The following MAN1C1 variants were observed in gnomAD, a reference collection of about 807,000 sequenced individuals.
MAN1C1 encodes mannosyl-oligosaccharide 1,2-alpha-mannosidase IC.
A neutral mutation model predicts 71.5 loss-of-function variants in MAN1C1; 49 were observed. The observed-to-expected ratio is 0.69, with a 90% CI of 0.54 to 0.87. The LOEUF (loss-of-function observed/expected upper bound fraction) is 0.87, where lower values mean the gene tolerates loss of function less well. Ranked by LOEUF, MAN1C1 falls within the 40% of genes least tolerant of loss-of-function variation. The pLI is 0.00. For synonymous variants in MAN1C1, 352 were observed against 343.7 expected (o/e 1.02, Z -0.27); for missense variants, 743 against 835.0 (o/e 0.89, Z 1.36).
Position 25,618,031 on chromosome 1 carries a change from G to A in MAN1C1, c.234G>A (p.Gln78=). ...CCGGCCATGCCCCGGCCCGCGAGCAGGAGCCGCCTCCCAACCCGGCCCCCG... is the reference window on the plus strand; with the variant it reads ...CCGGCCATGCCCCGGCCCGCGAGCAAGAGCCGCCTCCCAACCCGGCCCCCG... ...EIAGHAPARE[Q]EPPPNPAPAA... The change falls in exon 1 of 12, where the codon CAG becomes CAA. Residue 78 remains glutamine, a synonymous_variant. Coordinates refer to ENST00000374332, the MANE Select transcript of MAN1C1 (RefSeq NM_020379.4). 1.3e-6 allele frequency: 2 copies of A among 1,593,558 alleles called. No individual in the cohort carries two copies. The highest frequency in any genetic ancestry group is 2.3e-5 in the East Asian group (1 of 42,958).
intron 2 of MAN1C1, among the ~76,000 whole-genome samples, chr1:25,698,000 C>T (rs2046389622): frequency 6.6e-6 from 1 of 152,220 alleles, no homozygotes; most frequent in South Asian, 2.1e-4. Context: ...CCCTGCACTG[C>T]CTGCTAAGCG....
intron 1 of MAN1C1, among the ~76,000 whole-genome samples, chr1:25,668,691 G>C (rs931497400): frequency 1.3e-5 from 2 of 151,942 alleles, no homozygotes; most frequent in Non-Finnish European, 2.9e-5. Context: ...GAGTAGCTGG[G>C]ACTACAGACG....
intron 1 of MAN1C1, among the ~76,000 whole-genome samples, chr1:25,672,081 C>A (rs1286586634): frequency 2.0e-5 from 3 of 152,240 alleles, no homozygotes; most frequent in African/African-American, 7.2e-5. Flanking sequence ...TAACTCTCAG[C>A]TCAAGGCTGA....
chr1:25,768,772 T>C (rs2047499109), intron 7 of MAN1C1, among the ~76,000 whole-genome samples: 4 of 100,634 alleles, frequency 4.0e-5, no homozygotes, highest in African/African-American at 8.2e-5. Context: ...ACATCCACAC[T>C]CCCCTCACAC....
chr1:25,619,192 C>G (rs2045166532), intron 1 of MAN1C1, among the ~76,000 whole-genome samples: 1 of 152,170 alleles, frequency 6.6e-6, no homozygotes, highest in African/African-American at 2.4e-5. Flanking sequence ...GTTAGAACTG[C>G]CTGCGTGCGG....
intron 1 of MAN1C1, among the ~76,000 whole-genome samples, chr1:25,679,531 G>A (rs1448096686): frequency 1.4e-5 from 2 of 147,034 alleles, no homozygotes; most frequent in African/African-American, 2.5e-5. Flanking sequence ...GAAAATAACA[G>A]CCTCCAGTAA....
chr1:25,677,460 G>A (rs139635270), intron 1 of MAN1C1, among the ~76,000 whole-genome samples: 130 of 152,146 alleles, frequency 8.5e-4, no homozygotes, highest in African/African-American at 2.9e-3. Flanking sequence ...TGCCTGTTGC[G>A]CGTTTCTAGA....
At chr1:25,658,544 A>G (rs2045801664) in intron 1 of MAN1C1, among the ~76,000 whole-genome samples, 1 of 152,030 alleles carries the variant, frequency 6.6e-6, no homozygotes, top group Admixed American at 6.6e-5. Context: ...TCTGCCTCCC[A>G]GGCTCAAACC....
chr1:25,715,013 G>T (rs560670655), intron 2 of MAN1C1, among the ~76,000 whole-genome samples: 3 of 152,142 alleles, frequency 2.0e-5, no homozygotes, highest in Non-Finnish European at 2.9e-5. Flanking sequence ...GGCACAGCTT[G>T]ATCCACGTCT....
intron 2 of MAN1C1, among the ~76,000 whole-genome samples, chr1:25,697,914 G>A (rs557524551): frequency 9.2e-5 from 14 of 152,178 alleles, no homozygotes; most frequent in Non-Finnish European, 1.3e-4. Context: ...TTTAACTTTC[G>A]CCTCCTGCTG....
intron 1 of MAN1C1, among the ~76,000 whole-genome samples, chr1:25,660,928 T>C (rs184672963): frequency 8.5e-4 from 128 of 151,438 alleles, no homozygotes; most frequent in African/African-American, 3.0e-3. Context: ...TGGGCTCAAG[T>C]GATCCTCCTG....
intron 1 of MAN1C1, among the ~76,000 whole-genome samples, chr1:25,632,682 T>C (rs187897569): frequency 3.5e-4 from 53 of 152,292 alleles, no homozygotes; most frequent in Non-Finnish European, 7.1e-4. Flanking sequence ...TTTGATAACT[T>C]GTGTCACTGT....
Position 25,778,447 on chromosome 1 carries a change from T to C in MAN1C1, c.1477+123T>C, listed in dbSNP as rs2047650709. On this transcript the variant is annotated intron_variant, in intron 9 of 11. Transcript: ENST00000374332. The surrounding 1 kb of genome is among the most constrained non-coding windows in gnomAD (Gnocchi z 5.5). ...CTTAGGGAAGCCTCCCCTTGGAAGT[T>C]AAGTAGAATTTGAGAGAGGTACTCT... 1 of 960,654 alleles carries C rather than the reference T, an allele frequency of 1.0e-6. No individual in the cohort carries two copies. Among genetic ancestry groups the C allele is most frequent in the African/African-American group, 1.7e-5 (1 of 60,296 alleles). The allele number at this position is 960,654 out of a possible 1,614,324, so 59.5% of individuals were successfully genotyped here.
intron 1 of MAN1C1, among the ~76,000 whole-genome samples, chr1:25,625,070 ATC>A (rs1416083635): frequency 1.4e-5 from 2 of 146,218 alleles, no homozygotes; most frequent in Non-Finnish European, 3.0e-5. Flanking sequence ...CCGTGGCACA[ATC>A]TCTGCACACA....
chr1:25,639,466 T>C (rs2045509205), intron 1 of MAN1C1, among the ~76,000 whole-genome samples: 1 of 152,218 alleles, frequency 6.6e-6, no homozygotes, highest in Non-Finnish European at 1.5e-5. Context: ...TAGGTTCATC[T>C]GCTTTGAAAC....
intron 2 of MAN1C1, among the ~76,000 whole-genome samples, chr1:25,720,714 C>T (rs568512174): frequency 2.8e-4 from 43 of 152,080 alleles, no homozygotes; most frequent in Non-Finnish European, 5.1e-4. Context: ...TCTTTTGTTA[C>T]TTGTACTTTT....
At chr1:25,745,706 T>G (rs2047119333) in intron 2 of MAN1C1, among the ~76,000 whole-genome samples, 1 of 152,204 alleles carries the variant, frequency 6.6e-6, no homozygotes, top group African/African-American at 2.4e-5. Context: ...GGTTGATTTT[T>G]GGGCCAGGTG....
chr1:25,644,941 G>T (rs1419274486), intron 1 of MAN1C1: 1 of 152,222 alleles, frequency 6.6e-6, no homozygotes, highest in Non-Finnish European at 1.5e-5. Flanking sequence ...GGGAACACCA[G>T]TGTTTTAAAG....
intron 6 of MAN1C1, chr1:25,761,314 A>G (rs1045508812): frequency 6.6e-6 from 1 of 152,190 alleles, no homozygotes; most frequent in Non-Finnish European, 1.5e-5. Flanking sequence ...ATTCCAGGGC[A>G]TCAGATAAAA....
Sources: gnomAD v4.1 joint callset for allele counts (sites outside exome capture counted in the v4.1 genomes callset) on GRCh38, gnomAD v4.1.1 for gene constraint, Gnocchi (gnomAD v3.1) non-coding constraint, MANE v1.5 for transcripts, NCBI Gene and HGNC (gene_info 2026-07-23, HGNC 2026-07-21) for gene names.